The following TTC39C variants were observed in gnomAD, a reference collection of about 807,000 sequenced individuals.
The protein encoded by TTC39C is tetratricopeptide repeat protein 39C.
A neutral mutation model predicts 76.3 loss-of-function variants in TTC39C; 33 were observed. The observed-to-expected ratio is 0.43, with a 90% CI of 0.33 to 0.58. The LOEUF is 0.58. Ranked by LOEUF, TTC39C falls within the 20% of genes least tolerant of loss-of-function variation. The pLI is 0.04. For missense variants in TTC39C, 595 were observed against 701.4 expected, an observed-to-expected ratio of 0.85 and a Z score of 1.71; for synonymous variants, 254 against 260.6, an observed-to-expected ratio of 0.97 and a Z score of 0.24.
chr18:24,007,518 G>T (rs546410077), intron 1 of TTC39C, among the ~76,000 whole-genome samples: 73 of 152,118 alleles, frequency 4.8e-4, no homozygotes, highest in African/African-American at 1.7e-3. Flanking sequence ...TGATAAACTG[G>T]GATTACAGAT....
Position 24,014,879 on chromosome 18 carries a change from G to T in TTC39C, c.8G>T (p.Gly3Val). 6 of 1,419,248 alleles carry T rather than the reference G, an allele frequency of 4.2e-6. No homozygotes were observed. In the South Asian group the frequency reaches 6.2e-5, roughly 15 times the overall value. The allele number at this position is 1,419,248 out of a possible 1,614,324, so 87.9% of individuals were successfully genotyped here. ...GCAGGGCCTCGCACGCCCATGGCCG[G>T]CTCGGAGCAGCAGCGGCCGCGGCGG... MAGSEQQRPRRRD... is the reference protein window; with the variant it reads MAVSEQQRPRRRD... The change falls in exon 1 of 14, where the codon GGC (glycine) becomes GTC (valine). Residue 3 changes from glycine (G) to valine (V), a missense_variant. Transcript: ENST00000317571.
chr18:24,032,101 A>G (rs2083678383), intron 1 of TTC39C, among the ~76,000 whole-genome samples: 1 of 152,232 alleles, frequency 6.6e-6, no homozygotes, highest in Non-Finnish European at 1.5e-5. Context: ...CAGAGGATGG[A>G]AGAGGCATGG....
chr18:24,077,566 G>A (rs1390410113), intron 4 of TTC39C, among the ~76,000 whole-genome samples: 2 of 151,982 alleles, frequency 1.3e-5, no homozygotes, highest in Non-Finnish European at 1.5e-5. Flanking sequence ...TAATTTTATT[G>A]TGGGCATTAG....
intron 1 of TTC39C, among the ~76,000 whole-genome samples, chr18:24,050,387 C>A (rs746825530): frequency 6.6e-6 from 1 of 151,008 alleles, no homozygotes. Context: ...TTGGACAACA[C>A]GACGGAATCC....
intron 1 of TTC39C, among the ~76,000 whole-genome samples, chr18:24,060,027 A>G (rs980429306): frequency 4.1e-5 from 6 of 145,172 alleles, no homozygotes; most frequent in Non-Finnish European, 9.3e-5. Context: ...ATCTCCCACC[A>G]GCTCCCTCCC....
intron 1 of TTC39C, among the ~76,000 whole-genome samples, chr18:24,027,018 A>G (rs1300731012): frequency 2.0e-5 from 3 of 152,212 alleles, no homozygotes; most frequent in African/African-American, 7.2e-5. Flanking sequence ...TCGGCTGGGC[A>G]CAGTGCCTCA....
intron 1 of TTC39C, among the ~76,000 whole-genome samples, chr18:24,025,548 T>C (rs1218100662): frequency 6.6e-6 from 1 of 152,234 alleles, no homozygotes; most frequent in Non-Finnish European, 1.5e-5. Context: ...TAGAACTAAA[T>C]AAACAGTTTT....
intron 8 of TTC39C, among the ~76,000 whole-genome samples, chr18:24,120,592 A>C (rs2084953356): frequency 6.6e-6 from 1 of 152,210 alleles, no homozygotes; most frequent in Non-Finnish European, 1.5e-5. Flanking sequence ...TGTATGTGTC[A>C]GTAACTCCAG....
chr18:24,001,830 T>TG (rs2083313558), intron 1 of TTC39C, among the ~76,000 whole-genome samples: 1 of 46,258 alleles, frequency 2.2e-5, no homozygotes, highest in Non-Finnish European at 8.0e-5. Context: ...TCTGTTTTTT[T>TG]TTTTTTTTTT....
At chr18:24,085,782 T>C (rs73404264) in intron 6 of TTC39C, among the ~76,000 whole-genome samples, 1,766 of 152,300 alleles carry the variant, frequency 0.012, 40 homozygotes, top group African/African-American at 0.041. Flanking sequence ...GTGACTACGG[T>C]TATTTAGTGA....
Position 24,125,705 on chromosome 18 carries a change from A to G in TTC39C, c.1420+155A>G, listed in dbSNP as rs1599351284. On this transcript the variant is annotated intron_variant, in intron 10 of 13. Transcript: ENST00000317571. Reference sequence around the variant, plus strand: ...TTAGATAGAGGGTGTCGTGATGAAGAAAATCCTGTCACTTAGGTGATGGGA... The same window carrying G: ...TTAGATAGAGGGTGTCGTGATGAAGGAAATCCTGTCACTTAGGTGATGGGA... 1.5e-5 allele frequency: 14 copies of G among 963,652 alleles called. No individual in the cohort carries two copies. In the South Asian group the frequency reaches 2.4e-4, roughly 16 times the overall value. 59.7% of individuals were successfully genotyped at this position (963,652 alleles called of 1,614,324 possible).
chr18:24,025,275 A>C (rs2083586280), intron 1 of TTC39C, among the ~76,000 whole-genome samples: 1 of 152,238 alleles, frequency 6.6e-6, no homozygotes, highest in African/African-American at 2.4e-5. Flanking sequence ...GTACTAATGA[A>C]ATGTATCCAG....
intron 1 of TTC39C, among the ~76,000 whole-genome samples, chr18:24,027,962 C>T (rs1383094835): frequency 6.6e-6 from 1 of 152,138 alleles, no homozygotes; most frequent in African/African-American, 2.4e-5. Flanking sequence ...ACATTATAGC[C>T]AGGTTTGCAC....
chr18:24,050,179 A>G (rs2083930807), intron 1 of TTC39C, among the ~76,000 whole-genome samples: 1 of 151,968 alleles, frequency 6.6e-6, no homozygotes, highest in African/African-American at 2.4e-5. Context: ...CTCCTTTCTC[A>G]TTGTTCTCAT....
At chr18:24,016,466 A>G (rs2083455995) in intron 1 of TTC39C, among the ~76,000 whole-genome samples, 1 of 152,184 alleles carries the variant, frequency 6.6e-6, no homozygotes, top group Non-Finnish European at 1.5e-5. Context: ...GGATGGAGAT[A>G]GTTGTAGAGT....
intron 6 of TTC39C, chr18:24,113,901 T>C (rs370144409): frequency 2.1e-5 from 11 of 531,778 alleles, no homozygotes; most frequent in East Asian, 1.4e-4. Context: ...AAATGTAATC[T>C]GGATCCTCAG....
chr18:23,993,839 T>C (rs2083238907), intron 1 of TTC39C, among the ~76,000 whole-genome samples: 1 of 152,236 alleles, frequency 6.6e-6, no homozygotes, highest in African/African-American at 2.4e-5. Context: ...AGTTTGACAT[T>C]AGATGTTTTG....
chr18:24,025,171 C>G (rs2083584965), intron 1 of TTC39C, among the ~76,000 whole-genome samples: 1 of 152,098 alleles, frequency 6.6e-6, no homozygotes, highest in Admixed American at 6.6e-5. Flanking sequence ...GCCCGGCCTC[C>G]AAAATAAAAT....
At chr18:24,024,300 C>G (rs1236940408) in intron 1 of TTC39C, among the ~76,000 whole-genome samples, 1 of 151,362 alleles carries the variant, frequency 6.6e-6, no homozygotes, top group Non-Finnish European at 1.5e-5. Context: ...CATGAGCCAC[C>G]GCGCCTGGCC....
Sources: allele counts gnomAD v4.1 joint callset (sites outside exome capture counted in the v4.1 genomes callset), GRCh38; gene constraint gnomAD v4.1.1; transcripts MANE v1.5; gene names NCBI Gene and HGNC (gene_info 2026-07-23, HGNC 2026-07-21).